Variants in ADK observed in about 807,000 individuals in gnomAD.
ADK encodes adenosine kinase.
ADK carries 24 observed loss-of-function variants against 44.7 expected under a neutral mutation model. The ratio of observed to expected loss-of-function variants is 0.54; its 90% CI spans 0.39 to 0.76. The LOEUF (loss-of-function observed/expected upper bound fraction) is 0.76, where lower values mean the gene tolerates loss of function less well. Ranked by LOEUF, ADK falls within the 30% of genes least tolerant of loss-of-function variation. ADK has a pLI of 0.00. For missense variants in ADK, 321 were observed against 425.1 expected (o/e 0.76, Z 2.15); for synonymous variants, 128 against 142.6 (o/e 0.90, Z 0.73).
At position 74,624,938 on chromosome 10, in the gene ADK, TA is replaced by T. The variant is rs960152289; in HGVS notation, c.877+24453del. ...AGTATATGCCAGGTAATATAGAACT[TA>T]AAAAAAACATGAGAACCTCTAATCT... On this transcript the variant is annotated intron_variant, in intron 9 of 10. Coordinates refer to ENST00000539909, the MANE Select transcript of ADK (RefSeq NM_006721.4). 2.8e-4 allele frequency among the ~76,000 whole-genome samples: 42 copies of T among 151,776 alleles called. 1 individual carries two copies. Among genetic ancestry groups the T allele is most frequent in the Admixed American group, 2.1e-3 (32 of 15,228 alleles).
intron 7 of ADK, among the ~76,000 whole-genome samples, chr10:74,568,393 G>A (rs946561909): frequency 1.3e-5 from 2 of 152,080 alleles, no homozygotes; most frequent in Admixed American, 1.3e-4. Context: ...GGAGGTACAG[G>A]ATTTGGCTCT....
At chr10:74,598,253 A>G (rs544857409) in intron 8 of ADK, among the ~76,000 whole-genome samples, 5 of 152,124 alleles carry the variant, frequency 3.3e-5, no homozygotes, top group African/African-American at 7.2e-5. Context: ...TAGAAGGAGA[A>G]ATAAAGTTTT....
intron 7 of ADK, among the ~76,000 whole-genome samples, chr10:74,561,213 T>A (rs938848132): frequency 6.6e-6 from 1 of 152,228 alleles, no homozygotes; most frequent in Non-Finnish European, 1.5e-5. Context: ...TGAATCTGTC[T>A]GCCAGAATAT....
intron 9 of ADK, among the ~76,000 whole-genome samples, chr10:74,631,902 A>T (rs1329990064): frequency 1.2e-4 from 18 of 152,140 alleles, no homozygotes; most frequent in Admixed American, 1.2e-3. Context: ...TACCTCTTGT[A>T]GGTAACCAAT....
At chr10:74,329,861 TG>T (rs969573280) in intron 4 of ADK, among the ~76,000 whole-genome samples, 4 of 152,304 alleles carry the variant, frequency 2.6e-5, no homozygotes, top group Admixed American at 1.3e-4. Flanking sequence ...ATAAATTTTT[TG>T]TTCTTTTAAG....
chr10:74,464,371 A>AC (rs1194063963), intron 6 of ADK, among the ~76,000 whole-genome samples: 1 of 151,054 alleles, frequency 6.6e-6, no homozygotes, highest in Non-Finnish European at 1.5e-5. Context: ...ACATAGGGAG[A>AC]CCCCCATCTC....
intron 7 of ADK, among the ~76,000 whole-genome samples, chr10:74,549,651 G>A (rs559771100): frequency 7.7e-4 from 117 of 152,174 alleles, no homozygotes; most frequent in African/African-American, 2.8e-3. Context: ...TGCCCAGGCT[G>A]GTTTCAAACT....
intron 1 of ADK, among the ~76,000 whole-genome samples, chr10:74,153,007 T>G (rs992641826): frequency 8.5e-5 from 13 of 152,052 alleles, no homozygotes; most frequent in Non-Finnish European, 1.9e-4. Flanking sequence ...TAATTTGCTT[T>G]CAGACTCAAA....
chr10:74,417,359 A>T (rs1408697673), intron 6 of ADK, among the ~76,000 whole-genome samples: 1 of 152,010 alleles, frequency 6.6e-6, no homozygotes, highest in Admixed American at 6.6e-5. Flanking sequence ...ATATTCCCTA[A>T]TTTCATTTTT....
chr10:74,191,621 A>G (rs1185661248), intron 1 of ADK, among the ~76,000 whole-genome samples: 3 of 152,146 alleles, frequency 2.0e-5, no homozygotes, highest in Admixed American at 2.0e-4. Flanking sequence ...ACTCACAGAA[A>G]TTGCAAAAAT....
chr10:74,521,642 A>C (rs1339336020), intron 6 of ADK, among the ~76,000 whole-genome samples: 1 of 152,186 alleles, frequency 6.6e-6, no homozygotes, highest in East Asian at 1.9e-4. Context: ...AGAGGGGGAA[A>C]GCTTTAAAAT....
chr10:74,236,671 AGATATTGGGG>A (rs1309855722), intron 3 of ADK, among the ~76,000 whole-genome samples: 2 of 152,146 alleles, frequency 1.3e-5, no homozygotes, highest in Non-Finnish European at 2.9e-5. Flanking sequence ...CACACCTTGG[AGATATTGGGG>A]GTTTGGTTCT....
chr10:74,550,072 C>CTT (rs60206457), intron 7 of ADK, among the ~76,000 whole-genome samples: 23 of 136,404 alleles, frequency 1.7e-4, no homozygotes, highest in African/African-American at 5.0e-4. Flanking sequence ...AACCCAATCA[C>CTT]TTTTTTTTTT....
intron 4 of ADK, among the ~76,000 whole-genome samples, chr10:74,321,865 T>C (rs1840819658): frequency 1.3e-5 from 2 of 152,202 alleles, no homozygotes; most frequent in African/African-American, 4.8e-5. Context: ...CTATGTAAAA[T>C]GAGTTTCTAA....
chr10:74,383,493 C>T (rs1358527436), intron 4 of ADK, among the ~76,000 whole-genome samples: 1 of 152,070 alleles, frequency 6.6e-6, no homozygotes, highest in African/African-American at 2.4e-5. Context: ...CTCATATATC[C>T]CCTAATTCCT....
At chr10:74,689,379 A>G (rs1277913341) in intron 10 of ADK, among the ~76,000 whole-genome samples, 3 of 152,212 alleles carry the variant, frequency 2.0e-5, no homozygotes, top group Non-Finnish European at 4.4e-5. Flanking sequence ...GATACAAAAA[A>G]TTTATTCTCA....
chr10:74,541,327 T>C (rs374779892), intron 7 of ADK, among the ~76,000 whole-genome samples: 7 of 152,208 alleles, frequency 4.6e-5, no homozygotes, highest in African/African-American at 1.7e-4. Flanking sequence ...ACATTAATTT[T>C]TTTAGTTTTG....
At chr10:74,633,061 T>C (rs1239620786) in intron 9 of ADK, among the ~76,000 whole-genome samples, 1 of 152,200 alleles carries the variant, frequency 6.6e-6, no homozygotes, top group Non-Finnish European at 1.5e-5. Flanking sequence ...ATTGATTTAG[T>C]ATTTTAATTT....
intron 9 of ADK, among the ~76,000 whole-genome samples, chr10:74,639,991 A>G (rs1344895414): frequency 6.6e-6 from 1 of 152,256 alleles, no homozygotes; most frequent in Non-Finnish European, 1.5e-5. Context: ...TGTTTCTAAA[A>G]GAACATATTC....
Sources: gnomAD v4.1 joint callset for allele counts (sites outside exome capture counted in the v4.1 genomes callset) on GRCh38, gnomAD v4.1.1 for gene constraint, MANE v1.5 for transcripts, NCBI Gene and HGNC (gene_info 2026-07-23, HGNC 2026-07-21) for gene names.